Variants in AEBP2 observed in about 807,000 individuals in gnomAD.
AEBP2 encodes zinc finger protein AEBP2.
In AEBP2, 10 loss-of-function variants were observed where a neutral mutation model predicts 50.8. The ratio of observed to expected loss-of-function variants is 0.20; its 90% confidence interval spans 0.12 to 0.33. The LOEUF (loss-of-function observed/expected upper bound fraction) is 0.33, where lower values mean the gene tolerates loss of function less well. AEBP2 is among the 10% of genes least tolerant of loss of function. The pLI, the probability that AEBP2 is intolerant of heterozygous loss-of-function variation, is 1.00. For missense variants in AEBP2, 570 were observed against 688.0 expected (o/e 0.83, Z 1.92); for synonymous variants, 296 against 261.3 (o/e 1.13, Z -1.28).
Position 19,519,875 on chromosome 12 carries a change from C to CTA in AEBP2, c.*1761_*1762dup, listed in dbSNP as rs1949373929. 6.6e-6 allele frequency: 1 copy of CTA among 152,304 alleles called. No homozygotes were observed. The highest frequency in any genetic ancestry group is 2.4e-5 in the African/African-American group (1 of 41,432). 9.4% of individuals were successfully genotyped at this position (152,304 alleles called of 1,614,324 possible). On this transcript the variant is annotated 3_prime_UTR_variant, in exon 8 of 8. Transcript: ENST00000266508. ...TGAAGTGCAAATAAAAGCACTGCTA[C>CTA]TATAAGACATTCTGGAATGGTTGTT...
chr12:19,443,934 A>T (rs990893894), intron 1 of AEBP2, among the ~76,000 whole-genome samples: 3 of 152,166 alleles, frequency 2.0e-5, no homozygotes, highest in Admixed American at 6.5e-5. Flanking sequence ...AAATTTAGAA[A>T]TTCTTGAAAT....
At chr12:19,483,788 C>A (rs377344942) in intron 3 of AEBP2, among the ~76,000 whole-genome samples, 1 of 152,112 alleles carries the variant, frequency 6.6e-6, no homozygotes, top group South Asian at 2.1e-4. Flanking sequence ...CTTATTGTTA[C>A]AAATAGTGCT....
intron 1 of AEBP2, among the ~76,000 whole-genome samples, chr12:19,461,737 C>T (rs949126959): frequency 2.6e-5 from 4 of 152,092 alleles, no homozygotes; most frequent in Middle Eastern, 3.2e-3. Flanking sequence ...TTTCAAACTC[C>T]TGGCATCAGG....
At position 19,521,441 on chromosome 12, in the gene AEBP2, A is replaced by G. The variant is rs1370425806; in HGVS notation, c.*3324A>G. 1.3e-5 allele frequency: 2 copies of G among 152,312 alleles called. No individual in the cohort carries two copies. The highest frequency in any genetic ancestry group is 3.9e-4 in the East Asian group (2 of 5,190). 9.4% of individuals were successfully genotyped at this position (152,312 alleles called of 1,614,324 possible). A position where few individuals can be genotyped will look rare whatever the true frequency, so the allele number is the denominator to read the frequency against. On this transcript the variant is annotated 3_prime_UTR_variant, in exon 8 of 8. Transcript: ENST00000266508. ...TGCTAAGAACTAAATAAGATTTTGT[A>G]CATCAGATTGTGTTTGAACCGTAAG...
intron 1 of AEBP2, among the ~76,000 whole-genome samples, chr12:19,455,979 T>C (rs1948263226): frequency 3.3e-5 from 5 of 152,028 alleles, no homozygotes; most frequent in Admixed American, 3.3e-4. Flanking sequence ...TTTTAGGGGC[T>C]CTCAAAATTC....
rs563381177 is a variant in AEBP2 at position 19,439,775 on chromosome 12, G to C, written c.76G>C (p.Gly26Arg). The C allele has an allele frequency of 1.9e-4, 285 of 1,516,806 alleles. No homozygotes were observed. Among genetic ancestry groups the C allele is most frequent in the South Asian group, 7.5e-4 (62 of 83,198 alleles). 94.0% of individuals were successfully genotyped at this position (1,516,806 alleles called of 1,614,324 possible). The change falls in exon 1 of 8, where the codon GGT becomes CGT. Residue 26 changes from glycine to arginine, a missense_variant. By Grantham distance (125) the Gly-to-Arg change is moderately radical. Coordinates refer to ENST00000266508, the MANE Select transcript of AEBP2 (RefSeq NM_153207.5). Reference protein sequence around the residue: ...RLSPLPPGSPGSAARGRAEPP... With the variant: ...RLSPLPPGSPRSAARGRAEPP... The stretch of plus-strand genomic sequence containing the variant: ...GAGCCCTCTGCCCCCCGGCAGCCCG[G>C]GTTCGGCGGCGCGGGGCCGGGCTGA...
chr12:19,451,686 A>ATTT (rs34094890), intron 1 of AEBP2, among the ~76,000 whole-genome samples: 1 of 146,838 alleles, frequency 6.8e-6, no homozygotes, highest in Non-Finnish European at 1.5e-5. Context: ...CCATCTTTTA[A>ATTT]TTTTTTTTTT....
intron 5 of AEBP2, among the ~76,000 whole-genome samples, chr12:19,508,381 G>T (rs1446663944): frequency 2.6e-5 from 4 of 152,094 alleles, no homozygotes; most frequent in Non-Finnish European, 4.4e-5. Flanking sequence ...TTTTTATATA[G>T]TGGAGACAGT....
At chr12:19,421,646 A>C (rs1387164524) in intron 1 of AEBP2, among the ~76,000 whole-genome samples, 1 of 152,180 alleles carries the variant, frequency 6.6e-6, no homozygotes, top group East Asian at 1.9e-4. Flanking sequence ...AAAAGGAAAC[A>C]TTCAAAAAAG....
chr12:19,418,454 C>T (rs1216877599), intron 1 of AEBP2, among the ~76,000 whole-genome samples: 1 of 133,374 alleles, frequency 7.5e-6, no homozygotes, highest in Non-Finnish European at 1.5e-5. Context: ...TAGTCTTGAA[C>T]TCCTGGGCTC....
At chr12:19,517,995 C>A in intron 7 of AEBP2, 92 bp from the exon 8 acceptor site, 1 of 1,155,970 alleles carries the variant, frequency 8.7e-7, no homozygotes, top group Non-Finnish European at 1.2e-6. Flanking sequence ...CATCACATTG[C>A]CTGTATCTTA....
intron 1 of AEBP2, among the ~76,000 whole-genome samples, chr12:19,426,627 G>C (rs1169295628): frequency 6.6e-6 from 1 of 152,190 alleles, no homozygotes; most frequent in Non-Finnish European, 1.5e-5. Flanking sequence ...TTTCTGGCCA[G>C]GCGTGGTGAC....
chr12:19,439,604 G>A lies in AEBP2; in HGVS notation c.-96G>A, dbSNP rs1336841733. 2.1e-6 allele frequency: 3 copies of A among 1,433,382 alleles called. No individual in the cohort carries two copies. Among genetic ancestry groups the A allele is most frequent in the African/African-American group, 1.5e-5 (1 of 67,644 alleles). The allele number at this position is 1,433,382 out of a possible 1,614,324, so 88.8% of individuals were successfully genotyped here. On this transcript the variant is annotated 5_prime_UTR_variant, in exon 1 of 8. Coordinates refer to ENST00000266508, the MANE Select transcript of AEBP2 (RefSeq NM_153207.5). The stretch of plus-strand genomic sequence containing the variant: ...CCTCCTGCTCTGCAGCGGCGTCGGC[G>A]GAGTTTTGGGCGTTTGGGAGGGGGG...
At chr12:19,441,296 T>G (rs1381070400) in intron 1 of AEBP2, among the ~76,000 whole-genome samples, 1 of 152,242 alleles carries the variant, frequency 6.6e-6, no homozygotes, top group African/African-American at 2.4e-5. Flanking sequence ...AAAAGTGTGA[T>G]AGTGTATGTT....
intron 3 of AEBP2, among the ~76,000 whole-genome samples, chr12:19,482,245 T>G (rs1214313759): frequency 3.9e-5 from 6 of 151,954 alleles, no homozygotes; most frequent in Admixed American, 3.9e-4. Flanking sequence ...CTACAAGGAG[T>G]CCTGTGATGT....
chr12:19,496,873 C>T (rs1948990388), intron 4 of AEBP2, among the ~76,000 whole-genome samples: 1 of 151,508 alleles, frequency 6.6e-6, no homozygotes, highest in South Asian at 2.1e-4. Context: ...GTCTTTTTGA[C>T]CAGGCTGGTC....
chr12:19,492,383 T>A (rs1426973780), intron 3 of AEBP2, among the ~76,000 whole-genome samples: 1 of 152,192 alleles, frequency 6.6e-6, no homozygotes, highest in East Asian at 1.9e-4. Context: ...TTTGTTAAAA[T>A]AGCACATCTG....
Position 19,473,371 on chromosome 12 carries a change from T to C in AEBP2, c.987+16T>C, listed in dbSNP as rs770366287. 2.8e-5 allele frequency: 25 copies of C among 883,168 alleles called. No individual in the cohort carries two copies. The highest frequency in any genetic ancestry group is 4.2e-5 in the Admixed American group (1 of 23,716). The allele number at this position is 883,168 out of a possible 1,614,324, so 54.7% of individuals were successfully genotyped here. A position where few individuals can be genotyped will look rare whatever the true frequency, so the allele number is the denominator to read the frequency against. On this transcript the variant is annotated intron_variant, in intron 3 of 7. Coordinates refer to ENST00000266508, the MANE Select transcript of AEBP2 (RefSeq NM_153207.5). ...ACCTTTCAAGGTAAGGATGCATGTA[T>C]ATAAAATTTATTTATTTATTTATTT...
chr12:19,515,812 T>G (rs1338950564), intron 7 of AEBP2, among the ~76,000 whole-genome samples: 1 of 152,116 alleles, frequency 6.6e-6, no homozygotes, highest in Non-Finnish European at 1.5e-5. Flanking sequence ...AATAAAAGGT[T>G]TTTTTGGCTG....
Sources: gnomAD v4.1 joint callset for allele counts (sites outside exome capture counted in the v4.1 genomes callset) on GRCh38, gnomAD v4.1.1 for gene constraint, MANE v1.5 for transcripts, NCBI Gene and HGNC (gene_info 2026-07-23, HGNC 2026-07-21) for gene names.